The following MSH3 variants were observed in gnomAD, a reference collection of about 807,000 sequenced individuals.
The protein encoded by MSH3 is DNA mismatch repair protein Msh3.
Under a neutral mutation model 123.3 loss-of-function variants are expected in MSH3, and 106 were observed. The ratio of observed to expected loss-of-function variants is 0.86; its 90% CI spans 0.73 to 1.01. MSH3 has a LOEUF of 1.01. Ranked by LOEUF, MSH3 falls within the 50% of genes least tolerant of loss-of-function variation. The probability of loss-of-function intolerance (pLI) is 0.00; values close to 1 mark genes in which losing one functional copy is unlikely to be tolerated. For missense variants in MSH3, 1,459 were observed against 1,347.6 expected, an observed-to-expected ratio of 1.08 and a Z score of -1.29; for synonymous variants, 515 against 481.4, an observed-to-expected ratio of 1.07 and a Z score of -0.91.
intron 8 of MSH3, among the ~76,000 whole-genome samples, chr5:80,696,123 T>C (rs1482855829): frequency 1.3e-5 from 2 of 152,198 alleles, no homozygotes; most frequent in African/African-American, 2.4e-5. Flanking sequence ...CACTGGGCCT[T>C]CTCTGACACC....
chr5:80,749,796 A>G (rs937534477), intron 12 of MSH3, among the ~76,000 whole-genome samples: 6 of 152,112 alleles, frequency 3.9e-5, no homozygotes, highest in Non-Finnish European at 5.9e-5. Context: ...GTACTATGCA[A>G]TAGATCACCA....
intron 8 of MSH3, among the ~76,000 whole-genome samples, chr5:80,725,239 T>TA (rs1195171402): frequency 2.5e-4 from 37 of 146,510 alleles, no homozygotes; most frequent in African/African-American, 9.0e-4. Flanking sequence ...AAAAAGATAA[T>TA]AAAAAAATTA....
intron 20 of MSH3, among the ~76,000 whole-genome samples, chr5:80,832,311 T>G (rs1044322539): frequency 6.6e-6 from 1 of 151,944 alleles, no homozygotes; most frequent in Non-Finnish European, 1.5e-5. Context: ...TCTCTTTCTG[T>G]TTCTGATGAA....
Position 80,654,905 on chromosome 5 carries a change from G to GCCGCAGCGCCCCCAGCGC in MSH3, c.181_198dup (p.Ala61_Pro66dup), listed in dbSNP as rs1749210844. On this transcript the variant is annotated inframe_insertion, in exon 1 of 24. Transcript: ENST00000265081. ...TGCAGCGGCTGCAGCGGCCGCAGCG[G>GCCGCAGCGCCCCCAGCGC]CCGCAGCGCCCCCAGCGCCCCCAGC... 7.4e-6 allele frequency: 11 copies of GCCGCAGCGCCCCCAGCGC among 1,494,406 alleles called. No homozygotes were observed. The highest frequency in any genetic ancestry group is 1.2e-5 in the South Asian group (1 of 83,994). 92.6% of individuals were successfully genotyped at this position (1,494,406 alleles called of 1,614,324 possible). A position where few individuals can be genotyped will look rare whatever the true frequency, so the allele number is the denominator to read the frequency against.
rs979231979 is a variant in MSH3 at position 80,854,026 on chromosome 5, A to T, written c.2814-104A>T. 4.2e-6 allele frequency: 4 copies of T among 961,372 alleles called. No individual in the cohort carries two copies. In the East Asian group the frequency reaches 1.0e-4, roughly 25 times the overall value. 59.6% of individuals were successfully genotyped at this position (961,372 alleles called of 1,614,324 possible). ...TTGAGCTATTATTGGCTCAAAATAT[A>T]TAGATTCTTAGTGATCTTTTATATT... On this transcript the variant is annotated intron_variant, in intron 20 of 23. Coordinates refer to ENST00000265081, the MANE Select transcript of MSH3 (RefSeq NM_002439.5).
chr5:80,805,866 C>T (rs963446890), intron 19 of MSH3, among the ~76,000 whole-genome samples: 1 of 151,944 alleles, frequency 6.6e-6, no homozygotes, highest in Non-Finnish European at 1.5e-5. Context: ...GGATTACAGG[C>T]GTGGGACACC....
intron 8 of MSH3, among the ~76,000 whole-genome samples, chr5:80,684,415 AT>A (rs1750039485): frequency 6.6e-6 from 1 of 151,992 alleles, no homozygotes; most frequent in African/African-American, 2.4e-5. Flanking sequence ...ACTCCTAGAT[AT>A]TTTATTTTAT....
chr5:80,818,411 A>AAAAG (rs1745144071), intron 20 of MSH3, among the ~76,000 whole-genome samples: 1 of 150,238 alleles, frequency 6.7e-6, no homozygotes, highest in Non-Finnish European at 1.5e-5. Context: ...ACAAAAAAAA[A>AAAAG]AAAAAAAAAA....
rs550329420 is a variant in MSH3 at position 80,816,273 on chromosome 5, G to A, written c.2813+2532G>A. Among the ~76,000 whole-genome samples, 9 of 111,332 alleles carry A rather than the reference G, an allele frequency of 8.1e-5. No homozygotes were observed. The East Asian group carries it at 2.5e-3, about 31-fold the overall frequency. 73.0% of individuals were successfully genotyped at this position (111,332 alleles called of 152,430 possible). On this transcript the variant is annotated intron_variant, in intron 20 of 23. Coordinates refer to ENST00000265081, the MANE Select transcript of MSH3 (RefSeq NM_002439.5). Reference sequence around the variant, plus strand: ...AGTCAATGAAGGCTATATGCAAGATGTTAGGACAGGCTGTGATCCTGATAT... The same window carrying A: ...AGTCAATGAAGGCTATATGCAAGATATTAGGACAGGCTGTGATCCTGATAT...
At chr5:80,791,569 G>A (rs1744606215) in intron 18 of MSH3, among the ~76,000 whole-genome samples, 1 of 152,038 alleles carries the variant, frequency 6.6e-6, no homozygotes, top group South Asian at 2.1e-4. Flanking sequence ...GAGATTTGCT[G>A]TGTTTAAATT....
intron 8 of MSH3, among the ~76,000 whole-genome samples, chr5:80,693,532 T>C (rs149796465): frequency 8.5e-6 from 1 of 117,980 alleles, no homozygotes; most frequent in Non-Finnish European, 1.8e-5. Flanking sequence ...TATATGTTTA[T>C]ATAAATATAT....
intron 22 of MSH3, among the ~76,000 whole-genome samples, chr5:80,865,316 C>A (rs1336619854): frequency 6.6e-6 from 1 of 152,100 alleles, no homozygotes; most frequent in Non-Finnish European, 1.5e-5. Context: ...TTTAAAAACG[C>A]CCAATATTTT....
intron 2 of MSH3, among the ~76,000 whole-genome samples, chr5:80,658,077 C>G (rs1749332964): frequency 7.5e-6 from 1 of 133,980 alleles, no homozygotes; most frequent in African/African-American, 3.1e-5. Flanking sequence ...CTCTGTCACC[C>G]AGGCTGGAGT....
intron 21 of MSH3, among the ~76,000 whole-genome samples, chr5:80,862,247 T>A (rs1393981380): frequency 6.6e-6 from 1 of 152,152 alleles, no homozygotes; most frequent in Admixed American, 6.5e-5. Flanking sequence ...CACAGCTTTT[T>A]AAAGAAATCC....
Position 80,700,600 on chromosome 5 carries a change from A to G in MSH3, c.1340+21507A>G, listed in dbSNP as rs530177423. Among the ~76,000 whole-genome samples the G allele has an allele frequency of 2.6e-5, 4 of 152,040 alleles. No individual in the cohort carries two copies. The South Asian group carries it at 8.3e-4, about 32-fold the overall frequency. On this transcript the variant is annotated intron_variant, in intron 8 of 23. Transcript: ENST00000265081. ...TAGTCCTGATACTTTTTGTATATCT[A>G]GCTAGCAATTTTAATGGATGTGCTT...
chr5:80,744,437 G>T lies in MSH3; in HGVS notation c.1654-69G>T, dbSNP rs910683704. On this transcript the variant is annotated intron_variant, in intron 11 of 23. Coordinates refer to ENST00000265081, the MANE Select transcript of MSH3 (RefSeq NM_002439.5). ...GGTATATATGACATTTAGAATCGGG[G>T]TATATGAAATAACAATTTGGCACAA... is the stretch of plus-strand genomic sequence containing the variant. 46 of 1,072,780 alleles carry T rather than the reference G, an allele frequency of 4.3e-5. No homozygotes were observed. The African/African-American group carries it at 6.5e-4, about 15-fold the overall frequency. 66.5% of individuals were successfully genotyped at this position (1,072,780 alleles called of 1,614,324 possible).
intron 11 of MSH3, among the ~76,000 whole-genome samples, chr5:80,742,815 G>A (rs562406662): frequency 1.3e-5 from 2 of 152,200 alleles, no homozygotes; most frequent in Admixed American, 6.5e-5. Flanking sequence ...TTTCTCGGCT[G>A]AAGGAGTGCT....
At chr5:80,869,480 C>A (rs1258334999) in intron 22 of MSH3, among the ~76,000 whole-genome samples, 2 of 152,106 alleles carry the variant, frequency 1.3e-5, no homozygotes, top group East Asian at 3.9e-4. Context: ...TCCATCCTAC[C>A]AGCACCCCCA....
At chr5:80,719,081 C>G (rs1751022606) in intron 8 of MSH3, among the ~76,000 whole-genome samples, 1 of 150,304 alleles carries the variant, frequency 6.7e-6, no homozygotes, top group Admixed American at 6.6e-5. Context: ...CGGAGTCTTA[C>G]TCTGTCGCCA....
Sources: allele counts gnomAD v4.1 joint callset (sites outside exome capture counted in the v4.1 genomes callset), GRCh38; gene constraint gnomAD v4.1.1; transcripts MANE v1.5; gene names NCBI Gene and HGNC (gene_info 2026-07-23, HGNC 2026-07-21).